The following ABTB3 variants were observed in gnomAD, a reference collection of about 807,000 sequenced individuals.
ABTB3 encodes the protein ankyrin repeat- and BTB/POZ domain-containing protein 3.
chr12:107,328,254 T>G, the ABTB3 span, among the ~76,000 whole-genome samples: 1 of 152,232 alleles, frequency 6.6e-6, no homozygotes, highest in South Asian at 2.1e-4. Context: ...TAAGGTGACA[T>G]GGCTTGCAAG....
chr12:107,569,002 C>T, the ABTB3 span, among the ~76,000 whole-genome samples: 10 of 152,202 alleles, frequency 6.6e-5, no homozygotes, highest in African/African-American at 1.4e-4. Context: ...GGCTGAAGCA[C>T]ACATTTAACC....
At chr12:107,488,253 G>T in the ABTB3 span, among the ~76,000 whole-genome samples, 3 of 152,076 alleles carry the variant, frequency 2.0e-5, no homozygotes, top group Non-Finnish European at 4.4e-5. Context: ...CCTGGTGGGT[G>T]GTGGAAATGT....
the ABTB3 span, among the ~76,000 whole-genome samples, chr12:107,636,635 G>A: frequency 7.2e-5 from 11 of 152,224 alleles, no homozygotes; most frequent in Non-Finnish European, 1.6e-4. Context: ...TAGCAGCTCA[G>A]TCAAAGGCTG....
At chr12:107,529,408 G>A in the ABTB3 span, among the ~76,000 whole-genome samples, 1 of 151,996 alleles carries the variant, frequency 6.6e-6, no homozygotes, top group African/African-American at 2.4e-5. Flanking sequence ...TGGTGATGAT[G>A]ACAGAGACGA....
the ABTB3 span, among the ~76,000 whole-genome samples, chr12:107,401,414 G>A: frequency 2.6e-5 from 4 of 152,292 alleles, no homozygotes; most frequent in East Asian, 5.8e-4. Context: ...ATAGGAAATG[G>A]ACACCTCTCC....
At chr12:107,570,034 C>G in the ABTB3 span, among the ~76,000 whole-genome samples, 1 of 152,116 alleles carries the variant, frequency 6.6e-6, no homozygotes, top group African/African-American at 2.4e-5. Flanking sequence ...GCTGCTTAGA[C>G]CTCATTGTAA....
the ABTB3 span, among the ~76,000 whole-genome samples, chr12:107,509,450 A>C: frequency 3.3e-5 from 5 of 152,172 alleles, no homozygotes; most frequent in Non-Finnish European, 7.3e-5. Context: ...TTATTAATTC[A>C]ACCATGAACA....
the ABTB3 span, among the ~76,000 whole-genome samples, chr12:107,656,387 G>A: frequency 1.3e-5 from 2 of 152,158 alleles, no homozygotes; most frequent in African/African-American, 4.8e-5. Flanking sequence ...TAAAGGGCCA[G>A]CTAAATATTT....
the ABTB3 span, among the ~76,000 whole-genome samples, chr12:107,625,290 T>C: frequency 6.6e-6 from 1 of 152,256 alleles, no homozygotes; most frequent in Admixed American, 6.5e-5. Flanking sequence ...GCTTGTCTTT[T>C]CATCCTGCTA....
chr12:107,461,222 C>G, the ABTB3 span, among the ~76,000 whole-genome samples: 1 of 152,052 alleles, frequency 6.6e-6, no homozygotes, highest in Non-Finnish European at 1.5e-5. Flanking sequence ...TCCACCTGGC[C>G]CCACCCTTGA....
At chr12:107,499,364 G>C in the ABTB3 span, among the ~76,000 whole-genome samples, 1 of 147,264 alleles carries the variant, frequency 6.8e-6, no homozygotes, top group Non-Finnish European at 1.5e-5. Context: ...GAGGGAAGCT[G>C]TGTGTGTGTG....
the ABTB3 span, among the ~76,000 whole-genome samples, chr12:107,458,890 C>A: frequency 6.6e-6 from 1 of 152,150 alleles, no homozygotes; most frequent in Non-Finnish European, 1.5e-5. Context: ...CCCCTGCAGG[C>A]CCCCTCTATG....
chr12:107,644,043 C>A, the ABTB3 span, among the ~76,000 whole-genome samples: 4 of 152,156 alleles, frequency 2.6e-5, no homozygotes, highest in Non-Finnish European at 5.9e-5. Context: ...GCTGGGATTA[C>A]AAGCATGAGC....
the ABTB3 span, among the ~76,000 whole-genome samples, chr12:107,402,942 A>G: frequency 1.3e-5 from 2 of 152,010 alleles, no homozygotes; most frequent in African/African-American, 4.8e-5. Flanking sequence ...ACCCACCCCC[A>G]GGCTGTGCTA....
At chr12:107,540,574 C>A in the ABTB3 span, among the ~76,000 whole-genome samples, 1 of 152,238 alleles carries the variant, frequency 6.6e-6, no homozygotes, top group African/African-American at 2.4e-5. Context: ...AGGCCCTGAT[C>A]TGTTGGCCAG....
the ABTB3 span, among the ~76,000 whole-genome samples, chr12:107,629,378 G>A: frequency 1.3e-5 from 2 of 152,146 alleles, no homozygotes; most frequent in African/African-American, 2.4e-5. Context: ...AGCTGGGGTT[G>A]CACCATTGCA....
chr12:107,513,433 G>A, the ABTB3 span, among the ~76,000 whole-genome samples: 37 of 152,234 alleles, frequency 2.4e-4, no homozygotes, highest in Non-Finnish European at 4.6e-4. Context: ...GAGTCCTCAC[G>A]AGATCTGATG....
chr12:107,329,488 C>A, the ABTB3 span, among the ~76,000 whole-genome samples: 1 of 152,220 alleles, frequency 6.6e-6, no homozygotes, highest in Non-Finnish European at 1.5e-5. Context: ...TAATCATCAT[C>A]ATTATTATTA....
chr12:107,488,796 G>T, the ABTB3 span, among the ~76,000 whole-genome samples: 2 of 151,996 alleles, frequency 1.3e-5, no homozygotes, highest in Non-Finnish European at 2.9e-5. Context: ...CTGAAGAGAG[G>T]AATTGGGCAG....
Sources: allele counts gnomAD v4.1 joint callset (sites outside exome capture counted in the v4.1 genomes callset), GRCh38; gene constraint gnomAD v4.1.1; transcripts MANE v1.5; gene names NCBI Gene and HGNC (gene_info 2026-07-23, HGNC 2026-07-21).